SAXO1: variants seen among roughly 807,000 people sequenced by gnomAD.
SAXO1 encodes 4930500O09Rik.
SAXO1 carries 21 observed loss-of-function variants against 17.5 expected under a neutral mutation model. The ratio of observed to expected loss-of-function variants is 1.20; its 90% CI spans 0.85 to 1.72. The LOEUF (loss-of-function observed/expected upper bound fraction) is 1.72, where lower values mean the gene tolerates loss of function less well. Among genes scored for constraint, SAXO1 ranks in the 40% most tolerant of loss-of-function variants. The probability of loss-of-function intolerance (pLI) is 0.00; values close to 1 mark genes in which losing one functional copy is unlikely to be tolerated. For missense variants in SAXO1, 843 were observed against 596.0 expected, an observed-to-expected ratio of 1.41 and a Z score of -4.32; for synonymous variants, 274 against 216.5, an observed-to-expected ratio of 1.27 and a Z score of -2.33.
intron 1 of SAXO1, among the ~76,000 whole-genome samples, chr9:19,045,550 T>G (rs1795276225): frequency 6.6e-6 from 1 of 152,146 alleles, no homozygotes; most frequent in South Asian, 2.1e-4. Context: ...AAACTGAATA[T>G]TAGCAACCTA....
chr9:18,976,280 G>C (rs1563956753), intron 1 of SAXO1, among the ~76,000 whole-genome samples: 3 of 152,160 alleles, frequency 2.0e-5, no homozygotes, highest in African/African-American at 4.8e-5. Context: ...CTTGAGGGCT[G>C]AAAAAGGTTG....
chr9:19,032,803 G>C (rs914000271), intron 1 of SAXO1, 68 bp downstream of exon 1: 29 of 1,555,620 alleles, frequency 1.9e-5, no homozygotes, highest in Admixed American at 8.8e-5. Flanking sequence ...AGCTGGGGGA[G>C]GCTTCCCTTC....
intron 1 of SAXO1, among the ~76,000 whole-genome samples, chr9:18,991,567 G>C (rs866657756): frequency 3.3e-5 from 5 of 152,046 alleles, no homozygotes; most frequent in African/African-American, 1.2e-4. Context: ...GGCTTGTCGC[G>C]GAGTGGGGGA....
Position 19,012,140 on chromosome 9 carries a change from G to A in SAXO1, c.38+20731C>T, listed in dbSNP as rs141408186. ...ATTACAGGCGTGAGCCACCACGCCC[G>A]GCAAGGATAGATTTTTTTTAATGAG... On this transcript the variant is annotated intron_variant, in intron 1 of 3. Coordinates refer to ENST00000380534, the MANE Select transcript of SAXO1 (RefSeq NM_153707.4). 1.2e-4 allele frequency among the ~76,000 whole-genome samples: 19 copies of A among 152,234 alleles called. No individual in the cohort carries two copies. In the East Asian group the frequency reaches 2.7e-3, roughly 22 times the overall value.
At chr9:18,993,439 T>A (rs1389126180) in intron 1 of SAXO1, among the ~76,000 whole-genome samples, 4 of 152,158 alleles carry the variant, frequency 2.6e-5, no homozygotes, top group Non-Finnish European at 4.4e-5. Context: ...GCTACAGGAC[T>A]CAGCCTCAGC....
chr9:19,024,131 T>G (rs1447639973), intron 1 of SAXO1, among the ~76,000 whole-genome samples: 1 of 146,566 alleles, frequency 6.8e-6, no homozygotes, highest in Non-Finnish European at 1.5e-5. Context: ...CTGAGACATG[T>G]AAGAGTCCCT....
intron 1 of SAXO1, among the ~76,000 whole-genome samples, chr9:19,016,564 T>C (rs1834983669): frequency 6.6e-6 from 1 of 152,168 alleles, no homozygotes; most frequent in South Asian, 2.1e-4. Flanking sequence ...AGACACATTT[T>C]TGATTGTCAA....
At chr9:18,988,555 C>A (rs1015976094) in intron 1 of SAXO1, among the ~76,000 whole-genome samples, 3 of 152,164 alleles carry the variant, frequency 2.0e-5, no homozygotes, top group Admixed American at 6.5e-5. Flanking sequence ...TTATTAAGTT[C>A]TTTCATATAC....
Position 18,941,700 on chromosome 9 carries a change from T to C in SAXO1, c.358A>G (p.Ile120Val). Residue 120 changes from isoleucine to valine, a missense_variant, in exon 3 of 4, where the codon ATC becomes GTC. Physicochemically the swap from Ile to Val is conservative, Grantham distance 29 (BLOSUM62 3). Coordinates refer to ENST00000380534, the MANE Select transcript of SAXO1 (RefSeq NM_153707.4). ...GGATATTTACTGTCCCGAGGTTTGA[T>C]GGGGTCCACTCGACAGACAGGGTAG... is the stretch of plus-strand genomic sequence containing the variant. ...NPYPVCRVDP[I>V]KPRDSKYPCS... 1 of 1,614,196 alleles carries C rather than the reference T, an allele frequency of 6.2e-7. No individual in the cohort carries two copies. Among genetic ancestry groups the C allele is most frequent in the Non-Finnish European group, 8.5e-7 (1 of 1,180,028 alleles).
chr9:18,971,349 A>C (rs1394952317), intron 1 of SAXO1, among the ~76,000 whole-genome samples: 1 of 152,156 alleles, frequency 6.6e-6, no homozygotes, highest in Non-Finnish European at 1.5e-5. Flanking sequence ...CCAAAATCTC[A>C]ACTGTTGTAT....
chr9:19,007,563 T>A (rs7858618), intron 1 of SAXO1, among the ~76,000 whole-genome samples: 1 of 152,026 alleles, frequency 6.6e-6, no homozygotes, highest in Non-Finnish European at 1.5e-5. Flanking sequence ...ATTCCAGAGT[T>A]TTACCCTAGG....
chr9:18,942,242 A>G (rs74990984), intron 2 of SAXO1, among the ~76,000 whole-genome samples: 10,298 of 152,214 alleles, frequency 0.068, 406 homozygotes, highest in African/African-American at 0.11. Context: ...CTAAATGGAA[A>G]TCAGATGGCT....
At chr9:19,045,890 G>C (rs1425207725) in intron 1 of SAXO1, among the ~76,000 whole-genome samples, 3 of 151,872 alleles carry the variant, frequency 2.0e-5, no homozygotes, top group East Asian at 1.9e-4. Context: ...TGCCGGGCGC[G>C]GTGGCTCACC....
intron 1 of SAXO1, among the ~76,000 whole-genome samples, chr9:18,973,125 A>C (rs1048181336): frequency 1.3e-5 from 2 of 152,230 alleles, no homozygotes; most frequent in Non-Finnish European, 1.5e-5. Flanking sequence ...AGTTCAAGTG[A>C]CCACCCAACA....
At chr9:18,979,435 ACT>A (rs1313942484) in intron 1 of SAXO1, among the ~76,000 whole-genome samples, 1 of 152,236 alleles carries the variant, frequency 6.6e-6, no homozygotes, top group Non-Finnish European at 1.5e-5. Flanking sequence ...CTCAGTCATG[ACT>A]GGACAATGGT....
chr9:18,977,809 C>T (rs1409075879), intron 1 of SAXO1, among the ~76,000 whole-genome samples: 1 of 152,006 alleles, frequency 6.6e-6, no homozygotes, highest in African/African-American at 2.4e-5. Flanking sequence ...CTCTGGGCAA[C>T]ATGGCAAAAC....
intron 1 of SAXO1, among the ~76,000 whole-genome samples, chr9:18,961,313 G>A (rs1194456400): frequency 1.3e-5 from 2 of 152,056 alleles, no homozygotes; most frequent in Admixed American, 6.5e-5. Context: ...TGGGACCACA[G>A]GCATGTGCCA....
At chr9:18,990,110 G>T (rs549041234) in intron 1 of SAXO1, among the ~76,000 whole-genome samples, 296 of 151,926 alleles carry the variant, frequency 1.9e-3, no homozygotes, top group Middle Eastern at 0.014. Flanking sequence ...GTGGCAGACT[G>T]AAGCTACATT....
At chr9:18,930,509 TTTTA>T (rs1182156879) in intron 3 of SAXO1, among the ~76,000 whole-genome samples, 3 of 151,672 alleles carry the variant, frequency 2.0e-5, no homozygotes, top group Admixed American at 2.0e-4. Context: ...ACTTTTTTTT[TTTTA>T]TTTGAGATGG....
Sources: gnomAD v4.1 joint callset for allele counts (sites outside exome capture counted in the v4.1 genomes callset) on GRCh38, gnomAD v4.1.1 for gene constraint, MANE v1.5 for transcripts, NCBI Gene and HGNC (gene_info 2026-07-23, HGNC 2026-07-21) for gene names.